The following SNTG1 variants were observed in gnomAD, a reference collection of about 807,000 sequenced individuals.
The protein encoded by SNTG1 is gamma-1-syntrophin.
In SNTG1, 39 loss-of-function variants were observed where a neutral mutation model predicts 74.7. That is an observed-to-expected ratio of 0.52 (90% confidence interval 0.40 to 0.68). The LOEUF (loss-of-function observed/expected upper bound fraction) is 0.68, where lower values mean the gene tolerates loss of function less well. Among genes scored for constraint, SNTG1 ranks in the 30% least tolerant of loss-of-function variants. The probability of loss-of-function intolerance (pLI) is 0.00; values close to 1 mark genes in which losing one functional copy is unlikely to be tolerated. For missense variants in SNTG1, 685 were observed against 609.5 expected (o/e 1.12, Z -1.30); for synonymous variants, 254 against 217.1 (o/e 1.17, Z -1.49).
chr8:50,713,201 G>A (rs766078119), intron 17 of SNTG1, among the ~76,000 whole-genome samples: 3 of 152,130 alleles, frequency 2.0e-5, no homozygotes, highest in Admixed American at 6.5e-5. Context: ...ATTCTAACTG[G>A]TGTGACATGG....
intron 2 of SNTG1, among the ~76,000 whole-genome samples, chr8:50,239,552 G>C (rs539660793): frequency 2.1e-4 from 32 of 152,122 alleles, no homozygotes; most frequent in Non-Finnish European, 3.4e-4. Context: ...CAATTACTCA[G>C]TTGTAAATGA....
chr8:50,759,521 G>T lies in SNTG1; in HGVS notation c.1395+7410G>T, dbSNP rs553419309. 7.1e-4 allele frequency among the ~76,000 whole-genome samples: 108 copies of T among 152,052 alleles called. 1 individual carries two copies. Among genetic ancestry groups the T allele is most frequent in the Middle Eastern group, 3.4e-3 (1 of 294 alleles). On this transcript the variant is annotated intron_variant, in intron 18 of 18. Coordinates refer to ENST00000642720, the MANE Select transcript of SNTG1 (RefSeq NM_018967.5). ...AGAAGGGGTCCAGTTTCAGTTTTCT[G>T]CATATGGCTAGCCAGTTTTCCCAGC...
chr8:50,495,817 C>T (rs146277289), intron 8 of SNTG1, among the ~76,000 whole-genome samples: 3,785 of 152,196 alleles, frequency 0.025, 83 homozygotes, highest in Non-Finnish European at 0.038. Flanking sequence ...CTCACCCTGC[C>T]ACCAGAAGAC....
chr8:50,625,742 G>A (rs139867469), intron 13 of SNTG1, among the ~76,000 whole-genome samples: 57 of 152,232 alleles, frequency 3.7e-4, no homozygotes, highest in East Asian at 1.7e-3. Flanking sequence ...CAATTCATTA[G>A]CGAATATTCC....
At chr8:50,111,300 A>G (rs1309350506) in intron 1 of SNTG1, among the ~76,000 whole-genome samples, 1 of 151,952 alleles carries the variant, frequency 6.6e-6, no homozygotes, top group African/African-American at 2.4e-5. Context: ...GAGATGGAGG[A>G]CTCTAAGGAG....
intron 2 of SNTG1, among the ~76,000 whole-genome samples, chr8:50,200,496 T>C (rs1375992812): frequency 1.3e-5 from 2 of 152,092 alleles, no homozygotes; most frequent in Non-Finnish European, 2.9e-5. Context: ...CAAGCAGAAA[T>C]CTTCTCTGTG....
At chr8:50,106,185 G>T (rs759017002) in intron 1 of SNTG1, among the ~76,000 whole-genome samples, 1 of 152,052 alleles carries the variant, frequency 6.6e-6, no homozygotes, top group African/African-American at 2.4e-5. Context: ...GGAGGCCTAA[G>T]GAAACTTACA....
chr8:50,387,446 G>A (rs1172208914), intron 2 of SNTG1, among the ~76,000 whole-genome samples: 1 of 152,026 alleles, frequency 6.6e-6, no homozygotes, highest in African/African-American at 2.4e-5. Context: ...AACTTCCTCT[G>A]CAGTGTACCA....
chr8:50,008,708 A>G (rs981507556), intron 1 of SNTG1, among the ~76,000 whole-genome samples: 1 of 152,200 alleles, frequency 6.6e-6, no homozygotes, highest in Non-Finnish European at 1.5e-5. Context: ...AATCCTTCCT[A>G]CAGCTTGTCT....
At chr8:49,932,298 G>T (rs979794772) in intron 1 of SNTG1, among the ~76,000 whole-genome samples, 5 of 152,000 alleles carry the variant, frequency 3.3e-5, no homozygotes, top group Non-Finnish European at 7.4e-5. Context: ...AATAACTTTT[G>T]CTCTGTTGTT....
intron 18 of SNTG1, among the ~76,000 whole-genome samples, chr8:50,752,959 T>C (rs1162202313): frequency 2.6e-5 from 4 of 152,140 alleles, no homozygotes; most frequent in South Asian, 4.1e-4. Flanking sequence ...TACTTGTCTT[T>C]GGACTCATCT....
At chr8:49,974,816 C>A (rs989819196) in intron 1 of SNTG1, among the ~76,000 whole-genome samples, 1 of 152,208 alleles carries the variant, frequency 6.6e-6, no homozygotes. Flanking sequence ...AACTACAGTG[C>A]CACATATGTT....
At chr8:50,662,342 A>T (rs952032846) in intron 15 of SNTG1, among the ~76,000 whole-genome samples, 2 of 152,194 alleles carry the variant, frequency 1.3e-5, no homozygotes, top group Non-Finnish European at 2.9e-5. Context: ...ATGAAGCTAC[A>T]CCAGTAATAA....
chr8:50,634,146 CA>C (rs1179568379), intron 13 of SNTG1, among the ~76,000 whole-genome samples: 3 of 152,166 alleles, frequency 2.0e-5, no homozygotes, highest in Non-Finnish European at 4.4e-5. Context: ...CCACAGTGGA[CA>C]AACACAAGGC....
chr8:50,442,680 T>TAAAAAAAAAAAAAAA (rs5891365), intron 5 of SNTG1, among the ~76,000 whole-genome samples: 20 of 81,168 alleles, frequency 2.5e-4, no homozygotes, highest in South Asian at 1.0e-3. Context: ...TGTCTATCAG[T>TAAAAAAAAAAAAAAA]AAAAAAAAAA....
chr8:50,654,541 C>T (rs1020712362), intron 13 of SNTG1, among the ~76,000 whole-genome samples: 15 of 152,076 alleles, frequency 9.9e-5, no homozygotes, highest in African/African-American at 3.1e-4. Context: ...TCTGAAATGC[C>T]TAAATATTCA....
intron 17 of SNTG1, among the ~76,000 whole-genome samples, chr8:50,746,505 C>A (rs1184286363): frequency 1.3e-5 from 2 of 151,896 alleles, no homozygotes; most frequent in Admixed American, 6.6e-5. Flanking sequence ...GACAGGACTC[C>A]TCAAAGTTTT....
At chr8:50,726,197 A>G (rs2095499658) in intron 17 of SNTG1, among the ~76,000 whole-genome samples, 2 of 152,200 alleles carry the variant, frequency 1.3e-5, no homozygotes, top group African/African-American at 4.8e-5. Context: ...GAAAGAGCTC[A>G]TAACAAAGTC....
intron 4 of SNTG1, among the ~76,000 whole-genome samples, chr8:50,428,688 T>C (rs2062038): frequency 0.86 from 130,145 of 152,110 alleles, 55,789 homozygotes; most frequent in Non-Finnish European, 0.89. Flanking sequence ...AGAGCTTGCC[T>C]GGGGAATGAA....
Sources: allele counts gnomAD v4.1 joint callset (sites outside exome capture counted in the v4.1 genomes callset), GRCh38; gene constraint gnomAD v4.1.1; transcripts MANE v1.5; gene names NCBI Gene and HGNC (gene_info 2026-07-23, HGNC 2026-07-21).